The following C1QTNF3 variants were observed in gnomAD, a reference collection of about 807,000 sequenced individuals.
C1QTNF3 encodes the protein complement C1q tumor necrosis factor-related protein 3.
Under a neutral mutation model 32.6 loss-of-function variants are expected in C1QTNF3, and 26 were observed. That is an observed-to-expected ratio of 0.80 (90% CI 0.58 to 1.11). The LOEUF is 1.11. C1QTNF3 is among the 50% of genes least tolerant of loss of function. C1QTNF3 has a pLI of 0.00. For synonymous variants in C1QTNF3, 155 were observed against 146.0 expected (o/e 1.06, Z -0.44); for missense variants, 362 against 398.2 (o/e 0.91, Z 0.77).
the C1QTNF3 span, chr5:34,166,645 T>A: frequency 6.6e-6 from 1 of 152,158 alleles, no homozygotes; most frequent in Non-Finnish European, 1.5e-5. Flanking sequence ...TAAACATATG[T>A]TTTAGGCATA....
chr5:34,163,503 A>G, the C1QTNF3 span, among the ~76,000 whole-genome samples: 1 of 151,636 alleles, frequency 6.6e-6, no homozygotes, highest in Admixed American at 6.6e-5. Flanking sequence ...AAAAATCTCA[A>G]TAACAAAGTC....
At chr5:34,144,231 A>T in the C1QTNF3 span, among the ~76,000 whole-genome samples, 4 of 152,364 alleles carry the variant, frequency 2.6e-5, no homozygotes, top group South Asian at 8.3e-4. Context: ...TGTCTTAAAT[A>T]TATATGCACC....
At chr5:34,042,716 C>A (rs1754901315) in intron 1 of C1QTNF3, 107 bp downstream of exon 1, 2 of 1,127,248 alleles carry the variant, frequency 1.8e-6, no homozygotes, top group Admixed American at 4.6e-5. Context: ...TTCTCGAAAG[C>A]ATTCATTGAT....
chr5:34,177,694 G>A, the C1QTNF3 span, among the ~76,000 whole-genome samples: 1 of 150,844 alleles, frequency 6.6e-6, no homozygotes, highest in African/African-American at 2.4e-5. Context: ...TCACCATGTT[G>A]GTCAAGCTGG....
chr5:34,063,279 T>A, the C1QTNF3 span, among the ~76,000 whole-genome samples: 1 of 128,740 alleles, frequency 7.8e-6, no homozygotes, highest in Non-Finnish European at 1.7e-5. Context: ...TGCCTTTCTC[T>A]CTCTCTTCCC....
At chr5:34,202,656 GTTAA>G in the C1QTNF3 span, among the ~76,000 whole-genome samples, 3 of 151,802 alleles carry the variant, frequency 2.0e-5, no homozygotes, top group Admixed American at 6.6e-5. Context: ...TTATGCTTAT[GTTAA>G]TTGATATGTA....
the C1QTNF3 span, chr5:34,175,825 G>A: frequency 1.3e-6 from 1 of 777,348 alleles, no homozygotes; most frequent in South Asian, 1.4e-5. Context: ...CACTTACACT[G>A]GTTAGTCATG....
chr5:34,117,119 G>C, the C1QTNF3 span, among the ~76,000 whole-genome samples: 2 of 151,812 alleles, frequency 1.3e-5, no homozygotes, highest in Non-Finnish European at 2.9e-5. Flanking sequence ...TGATATGTGG[G>C]AGTGATATCT....
At chr5:34,112,201 A>G in the C1QTNF3 span, among the ~76,000 whole-genome samples, 1 of 152,190 alleles carries the variant, frequency 6.6e-6, no homozygotes, top group East Asian at 1.9e-4. Flanking sequence ...AATTTATATT[A>G]TAGGCCATGG....
chr5:34,184,197 G>A, the C1QTNF3 span, among the ~76,000 whole-genome samples: 2 of 152,392 alleles, frequency 1.3e-5, no homozygotes, highest in Admixed American at 6.5e-5. Context: ...CAATGCATGT[G>A]ACAAAGATCT....
the C1QTNF3 span, among the ~76,000 whole-genome samples, chr5:34,196,760 C>T: frequency 5.6e-5 from 8 of 143,318 alleles, no homozygotes; most frequent in African/African-American, 2.1e-4. Flanking sequence ...CCCAGGTTCA[C>T]GCCATTCTCC....
intron 1 of C1QTNF3, among the ~76,000 whole-genome samples, chr5:34,038,970 A>G (rs1177127736): frequency 6.6e-6 from 1 of 152,218 alleles, no homozygotes; most frequent in Non-Finnish European, 1.5e-5. Flanking sequence ...TCCTAAAGAT[A>G]GCAAAAACCT....
At chr5:34,157,531 G>A in the C1QTNF3 span, among the ~76,000 whole-genome samples, 1 of 152,194 alleles carries the variant, frequency 6.6e-6, no homozygotes, top group Non-Finnish European at 1.5e-5. Flanking sequence ...ATGTGATTAA[G>A]TACCTTGAGA....
At chr5:34,090,154 T>C in the C1QTNF3 span, among the ~76,000 whole-genome samples, 1 of 151,488 alleles carries the variant, frequency 6.6e-6, no homozygotes, top group African/African-American at 2.4e-5. Context: ...GGTACTGCAA[T>C]TAAAGGAAGT....
At chr5:34,022,869 T>G (rs911095841) in intron 5 of C1QTNF3, among the ~76,000 whole-genome samples, 4 of 152,162 alleles carry the variant, frequency 2.6e-5, no homozygotes, top group African/African-American at 4.8e-5. Context: ...TTTTGTTTTG[T>G]TTTTGAGATG....
At chr5:34,071,415 A>C in the C1QTNF3 span, among the ~76,000 whole-genome samples, 1 of 152,148 alleles carries the variant, frequency 6.6e-6, no homozygotes, top group Non-Finnish European at 1.5e-5. Context: ...TGTTTTTCCC[A>C]CTATCAGTAT....
the C1QTNF3 span, among the ~76,000 whole-genome samples, chr5:34,163,033 C>CG: frequency 6.6e-6 from 1 of 152,146 alleles, no homozygotes. Flanking sequence ...GTTCCTCATA[C>CG]AATGGGCATT....
At chr5:34,040,222 T>C (rs983717617) in intron 1 of C1QTNF3, among the ~76,000 whole-genome samples, 3 of 152,142 alleles carry the variant, frequency 2.0e-5, no homozygotes, top group Non-Finnish European at 4.4e-5. Flanking sequence ...CAGGACAAAT[T>C]TGTATGCAAA....
At chr5:34,144,403 C>T in the C1QTNF3 span, among the ~76,000 whole-genome samples, 2 of 152,210 alleles carry the variant, frequency 1.3e-5, no homozygotes, top group Non-Finnish European at 2.9e-5. Flanking sequence ...TGACACTTGA[C>T]TTAAACTTGA....
Sources: allele counts gnomAD v4.1 joint callset (sites outside exome capture counted in the v4.1 genomes callset), GRCh38; gene constraint gnomAD v4.1.1; transcripts MANE v1.5; gene names NCBI Gene and HGNC (gene_info 2026-07-23, HGNC 2026-07-21).